The following SLC38A8 variants were observed in gnomAD, a reference collection of about 807,000 sequenced individuals.
The protein encoded by SLC38A8 is amino acid transporter SLC38A8.
SLC38A8 carries 65 observed loss-of-function variants against 46.0 expected under a neutral mutation model. The ratio of observed to expected loss-of-function variants is 1.41; its 90% CI spans 1.16 to 1.74. The LOEUF is 1.74. Ranked by LOEUF, SLC38A8 falls within the 40% of genes most tolerant of loss-of-function variation. SLC38A8 has a pLI of 0.00. For missense variants in SLC38A8, 998 were observed against 567.9 expected (o/e 1.76, Z -7.70); for synonymous variants, 447 against 243.7 (o/e 1.83, Z -7.77).
In SLC38A8 at chr16:84,017,017, C is replaced by G. The variant is rs1397749717; in HGVS notation, c.953+123G>C. ...CCTAAATCCTCTGTGCCTGTTTCCTCCTGTCTACAATTGGAGAGGATGGTA... is the reference window on the plus strand; with the variant it reads ...CCTAAATCCTCTGTGCCTGTTTCCTGCTGTCTACAATTGGAGAGGATGGTA... On this transcript the variant is annotated intron_variant, in intron 8 of 10. Transcript: ENST00000299709. 3 of 1,350,610 alleles carry G rather than the reference C, an allele frequency of 2.2e-6. No individual in the cohort carries two copies. In the African/African-American group the frequency reaches 4.4e-5, roughly 20 times the overall value. The allele number at this position is 1,350,610 out of a possible 1,614,324, so 83.7% of individuals were successfully genotyped here. A position where few individuals can be genotyped will look rare whatever the true frequency, so the allele number is the denominator to read the frequency against.
At position 84,041,543 on chromosome 16, in the gene SLC38A8, C is replaced by T. The variant is rs561234098; in HGVS notation, c.189+426G>A. On this transcript the variant is annotated intron_variant, in intron 2 of 10. Coordinates refer to ENST00000299709, the MANE Select transcript of SLC38A8 (RefSeq NM_001080442.3). ...GGCCAGGCTGGTCTCAAACTCCTGACCTCAGGTGATCCGTCCACCTTGGCC... is the reference window on the plus strand; with the variant it reads ...GGCCAGGCTGGTCTCAAACTCCTGATCTCAGGTGATCCGTCCACCTTGGCC... 7.9e-5 allele frequency among the ~76,000 whole-genome samples: 12 copies of T among 152,324 alleles called. No individual in the cohort carries two copies. The East Asian group carries it at 2.1e-3, about 27-fold the overall frequency.
intron 2 of SLC38A8, among the ~76,000 whole-genome samples, chr16:84,037,251 T>G (rs1295225330): frequency 6.6e-6 from 1 of 152,228 alleles, no homozygotes. Flanking sequence ...GGAGAGGCAG[T>G]AGGCGTGGTG....
In SLC38A8 at chr16:84,009,748, C is replaced by T. The variant is rs759586982; in HGVS notation, c.*36G>A. 8.2e-6 allele frequency: 13 copies of T among 1,594,382 alleles called. No individual in the cohort carries two copies. The African/African-American group carries it at 1.5e-4, about 18-fold the overall frequency. On this transcript the variant is annotated 3_prime_UTR_variant, in exon 11 of 11. Coordinates refer to ENST00000299709, the MANE Select transcript of SLC38A8 (RefSeq NM_001080442.3). ...TACAGCAGCCACGTAGGGTCAGCCCCCGGAGGGCCCCTTCCTGCCCGGCAC... is the reference window on the plus strand; with the variant it reads ...TACAGCAGCCACGTAGGGTCAGCCCTCGGAGGGCCCCTTCCTGCCCGGCAC...
chr16:84,034,257 G>A (rs1010360417), intron 3 of SLC38A8, among the ~76,000 whole-genome samples: 1 of 152,236 alleles, frequency 6.6e-6, no homozygotes. Flanking sequence ...AGAATGGGCA[G>A]TGTCTCATTT....
chr16:84,036,884 AG>A lies in SLC38A8; in HGVS notation c.205del (p.Leu69Ter). 1.2e-6 allele frequency: 2 copies of A among 1,612,372 alleles called. No individual in the cohort carries two copies. The highest frequency in any genetic ancestry group is 1.7e-6 in the Non-Finnish European group (2 of 1,179,848). ...FLVELVSLVFLISGLVILGYA... is the reference protein window; with the variant it reads ...FLVELVSLVFXISGLVILGYA... ...GCCCAGGATGACCAGCCCGCTGATC[AG>A]GAAGACCAACGAGACCTGCGGAGAA... On this transcript the variant is annotated frameshift_variant, in exon 3 of 11. Transcript: ENST00000299709. LOFTEE classifies it high-confidence loss of function.
At chr16:84,036,474 C>T (rs977254273) in intron 3 of SLC38A8, among the ~76,000 whole-genome samples, 5 of 152,272 alleles carry the variant, frequency 3.3e-5, no homozygotes, top group Non-Finnish European at 5.9e-5. Flanking sequence ...ATCCTAATTG[C>T]AGCCACAACC....
intron 5 of SLC38A8, among the ~76,000 whole-genome samples, chr16:84,031,214 A>G (rs2085234246): frequency 6.6e-6 from 1 of 151,778 alleles, no homozygotes; most frequent in African/African-American, 2.4e-5. Flanking sequence ...TGAATTTTAT[A>G]TTTTTATGTA....
chr16:84,025,873 G>C (rs1306996302), intron 6 of SLC38A8, among the ~76,000 whole-genome samples: 2 of 152,228 alleles, frequency 1.3e-5, no homozygotes, highest in Non-Finnish European at 2.9e-5. Context: ...CTGGCCCCAG[G>C]TTTCCTGTCC....
At chr16:84,031,474 C>A (rs1299586357) in intron 5 of SLC38A8, among the ~76,000 whole-genome samples, 2 of 152,234 alleles carry the variant, frequency 1.3e-5, no homozygotes, top group African/African-American at 4.8e-5. Flanking sequence ...CATCCCCGCC[C>A]ATGCTCTCTG....
intron 6 of SLC38A8, among the ~76,000 whole-genome samples, chr16:84,028,367 C>T (rs181601828): frequency 2.0e-5 from 3 of 151,988 alleles, no homozygotes; most frequent in Admixed American, 1.3e-4. Context: ...GATCGCTTGA[C>T]GTCAGGAGTT....
chr16:84,029,461 C>T (rs374838629), intron 6 of SLC38A8, 33 bp downstream of exon 6: 74 of 1,611,668 alleles, frequency 4.6e-5, no homozygotes, highest in South Asian at 3.3e-4. Flanking sequence ...CCTCTGCAAA[C>T]GCCACAGGCT....
intron 9 of SLC38A8, among the ~76,000 whole-genome samples, chr16:84,015,218 C>A (rs191349869): frequency 3.9e-5 from 6 of 152,150 alleles, no homozygotes; most frequent in African/African-American, 7.2e-5. Context: ...ACACACCCCC[C>A]ACTGCGGATC....
rs142447499 is a variant in SLC38A8, at chr16:84,029,045, C to G, written c.690+449G>C. Among the ~76,000 whole-genome samples the G allele has an allele frequency of 2.0e-3, 305 of 152,282 alleles. 2 individuals carry two copies. Among genetic ancestry groups the G allele is most frequent in the African/African-American group, 6.9e-3 (287 of 41,544 alleles). On this transcript the variant is annotated intron_variant, in intron 6 of 10. Coordinates refer to ENST00000299709, the MANE Select transcript of SLC38A8 (RefSeq NM_001080442.3). ...CACCTTCCAGCTCCTCTACCCTGTACCCCTCAGGAGGCAGGATCTTTCCTG... is the reference window on the plus strand; with the variant it reads ...CACCTTCCAGCTCCTCTACCCTGTAGCCCTCAGGAGGCAGGATCTTTCCTG...
intron 4 of SLC38A8, among the ~76,000 whole-genome samples, chr16:84,032,356 T>G (rs1026376800): frequency 2.0e-5 from 3 of 152,166 alleles, no homozygotes; most frequent in African/African-American, 7.2e-5. Context: ...GCCTCGCTAA[T>G]TTTTGTACTT....
At chr16:84,020,121 C>T (rs557008563) in intron 7 of SLC38A8, among the ~76,000 whole-genome samples, 3 of 151,612 alleles carry the variant, frequency 2.0e-5, no homozygotes, top group East Asian at 3.9e-4. Flanking sequence ...TGGACCCCTA[C>T]GCTTTCCACA....
chr16:84,042,081 G>A lies in SLC38A8; in HGVS notation c.77C>T (p.Ser26Leu), dbSNP rs547189827. The change falls in exon 2 of 11, where the codon TCG (serine) becomes TTG (leucine). Residue 26 changes from serine to leucine, a missense_variant. Coordinates refer to ENST00000299709, the MANE Select transcript of SLC38A8 (RefSeq NM_001080442.3). Reference protein sequence around the residue: ...HPATAAATLSSMGAVFILMKS... With the variant: ...HPATAAATLSLMGAVFILMKS... ...CATGAGGATGAAGACAGCGCCCATCGAGGACAGAGTGGCAGCAGCCGTGGC... is the reference window on the plus strand; with the variant it reads ...CATGAGGATGAAGACAGCGCCCATCAAGGACAGAGTGGCAGCAGCCGTGGC... 4.9e-5 allele frequency: 79 copies of A among 1,614,072 alleles called. No individual in the cohort carries two copies. The South Asian group carries it at 6.0e-4, about 12-fold the overall frequency.
rs2085110603 is a variant in SLC38A8, at chr16:84,022,823, C to T, written c.757G>A (p.Val253Met). Residue 253 changes from valine to methionine, a missense_variant, in exon 7 of 11, where the codon GTG becomes ATG. By Grantham distance (21) the Val-to-Met change is conservative. Transcript: ENST00000299709. ...RKRSLSHWALVSVLSLLACCL... is the reference protein window; with the variant it reads ...RKRSLSHWALMSVLSLLACCL... Reference sequence around the variant, plus strand: ...CAGGCCAGCAAGGACAGCACAGACACCAGGGCCCAGTGGGAGAGGCTCCGT... The same window carrying T: ...CAGGCCAGCAAGGACAGCACAGACATCAGGGCCCAGTGGGAGAGGCTCCGT... The T allele has an allele frequency of 6.2e-7, 1 of 1,613,674 alleles. No individual in the cohort carries two copies. The highest frequency in any genetic ancestry group is 8.5e-7 in the Non-Finnish European group (1 of 1,179,820).
intron 10 of SLC38A8, 108 bp from the exon 11 acceptor site, chr16:84,009,985 TG>T: frequency 1.2e-6 from 1 of 818,240 alleles, no homozygotes; most frequent in Non-Finnish European, 1.8e-6. Context: ...GTCATCAATT[TG>T]GAAAAAAGAA....
At chr16:84,027,706 C>G (rs1474701874) in intron 6 of SLC38A8, among the ~76,000 whole-genome samples, 1 of 152,212 alleles carries the variant, frequency 6.6e-6, no homozygotes, top group Non-Finnish European at 1.5e-5. Flanking sequence ...CCTATCCTTC[C>G]CAGCTCTTCA....
Sources: allele counts gnomAD v4.1 joint callset (sites outside exome capture counted in the v4.1 genomes callset), GRCh38; gene constraint gnomAD v4.1.1; transcripts MANE v1.5; gene names NCBI Gene and HGNC (gene_info 2026-07-23, HGNC 2026-07-21).